Variants in CARMIL3 observed in about 807,000 individuals in gnomAD.
CARMIL3 encodes capping protein, Arp2/3 and myosin-I linker protein 3.
A neutral mutation model predicts 180.8 loss-of-function variants in CARMIL3; 88 were observed. The observed-to-expected ratio is 0.49, with a 90% CI of 0.41 to 0.58. The LOEUF (loss-of-function observed/expected upper bound fraction) is 0.58. Ranked by LOEUF, CARMIL3 falls within the 20% of genes least tolerant of loss-of-function variation. The pLI, the probability that CARMIL3 is intolerant of heterozygous loss-of-function variation, is 0.00. For missense variants in CARMIL3, 1,548 were observed against 1,787.0 expected (o/e 0.87, Z 2.41); for synonymous variants, 696 against 714.5 (o/e 0.97, Z 0.41).
Position 24,057,819 on chromosome 14 carries a change from T to C in CARMIL3, c.1157T>C (p.Leu386Pro), listed in dbSNP as rs1196337274. The change falls in exon 15 of 40, where the codon CTC becomes CCC. Residue 386 changes from leucine (L) to proline (P), a missense_variant. Physicochemically the swap from Leu to Pro is moderately conservative, Grantham distance 98. Coordinates refer to ENST00000342740, the MANE Select transcript of CARMIL3 (RefSeq NM_138360.4). ...CVIDLLLGAL[L>P]HGCCSHLTYL... is the part of the protein sequence containing the mutation. ...CCCCCACAGCTTCTCGGTGCCCTGC[T>C]CCACGGCTGCTGCTCCCACCTCACC... The C allele has an allele frequency of 6.2e-7, 1 of 1,609,122 alleles. No individual in the cohort carries two copies. The highest frequency in any genetic ancestry group is 1.3e-5 in the African/African-American group (1 of 74,260).
In CARMIL3 at chr14:24,066,420, G is replaced by A. The variant is rs1418476703; in HGVS notation, c.3548G>A (p.Gly1183Asp). 2.5e-6 allele frequency: 4 copies of A among 1,614,188 alleles called. No individual in the cohort carries two copies. The Admixed American group carries it at 6.7e-5, about 27-fold the overall frequency. The change falls in exon 35 of 40, where the codon GGC (glycine) becomes GAC (aspartate). Residue 1183 changes from glycine to aspartate, a missense_variant. Gly to Asp is a moderately conservative substitution (Grantham distance 94). This residue lies in a region of CARMIL3 where 668 missense variants were observed against 687.8 expected (regional missense o/e 0.97). Transcript: ENST00000342740. ...CAGGGCCCAGGCCCAGACCAGGAGG[G>A]CAGCACCCAGGCCTGGCAGAAACGG... Reference protein sequence around the residue: ...KREGPGPDQEGSTQAWQKRRS... With the variant: ...KREGPGPDQEDSTQAWQKRRS...
intron 38 of CARMIL3, 58 bp from the exon 39 acceptor site, chr14:24,069,079 T>A (rs1278798150): frequency 3.1e-6 from 5 of 1,604,988 alleles, no homozygotes; most frequent in Non-Finnish European, 4.3e-6. Context: ...ACAGCCTGGA[T>A]GAGCATCCCA....
rs1437960185 is a variant in CARMIL3, at chr14:24,069,512, G to A, written c.*108G>A. ...CCCTGCCAGCCCCTGTCCTACAGGG[G>A]CAAGACGGCAGGACCAGGCATGGGG... On this transcript the variant is annotated 3_prime_UTR_variant, in exon 40 of 40. Coordinates refer to ENST00000342740, the MANE Select transcript of CARMIL3 (RefSeq NM_138360.4). 5 of 1,450,264 alleles carry A rather than the reference G, an allele frequency of 3.4e-6. No individual in the cohort carries two copies. In the African/African-American group the frequency reaches 5.6e-5, roughly 16 times the overall value. 89.8% of individuals were successfully genotyped at this position (1,450,264 alleles called of 1,614,324 possible).
At chr14:24,055,898 C>A in intron 10 of CARMIL3, 109 bp downstream of exon 10, 2 of 1,066,096 alleles carry the variant, frequency 1.9e-6, no homozygotes, top group Non-Finnish European at 2.8e-6. Context: ...CAGTGCCTCT[C>A]TCTACAGAAG....
At chr14:24,060,865 G>A in intron 25 of CARMIL3, 62 bp from the exon 26 acceptor site, 10 of 1,538,948 alleles carry the variant, frequency 6.5e-6, no homozygotes, top group Non-Finnish European at 8.8e-6. Context: ...CTAGCCCAGG[G>A]ACCCCAGAGA....
Position 24,060,046 on chromosome 14 carries a change from G to A in CARMIL3, c.1945G>A (p.Glu649Lys), listed in dbSNP as rs148337730. ...QAYRSAPERT[E>K]DVWQKIQWCL... The stretch of plus-strand genomic sequence containing the variant: ...CTATCGCAGCGCGCCTGAGCGCACC[G>A]AGGACGTCTGGCAGAAGGTGCAGGG... The change falls in exon 23 of 40, where the codon GAG becomes AAG. Residue 649 changes from glutamate (E) to lysine (K), a missense_variant. Physicochemically the swap from Glu to Lys is moderately conservative, Grantham distance 56. This residue lies in a region of CARMIL3 where 297 missense variants were observed against 415.9 expected (regional missense o/e 0.71). Transcript: ENST00000342740. 21 of 1,613,814 alleles carry A rather than the reference G, an allele frequency of 1.3e-5. No individual in the cohort carries two copies. Among genetic ancestry groups the A allele is most frequent in the East Asian group, 8.9e-5 (4 of 44,892 alleles).
chr14:24,058,010 A>G lies in CARMIL3; in HGVS notation c.1268A>G (p.Tyr423Cys). The change falls in exon 16 of 40, where the codon TAC becomes TGC. Residue 423 changes from tyrosine (Y) to cysteine (C), a missense_variant. Transcript: ENST00000342740. The surrounding 1 kb of genome is among the most constrained non-coding windows in gnomAD (Gnocchi z 6.4). ...TTCAAGCAGTTCTTCAGCAGCGCCT[A>G]CACACTGAGCCACGTCAATCTGTCG... Reference protein sequence around the residue: ...PAFKQFFSSAYTLSHVNLSAT... With the variant: ...PAFKQFFSSACTLSHVNLSAT... 1 of 1,613,766 alleles carries G rather than the reference A, an allele frequency of 6.2e-7. No homozygotes were observed. Among genetic ancestry groups the G allele is most frequent in the Non-Finnish European group, 8.5e-7 (1 of 1,180,008 alleles).
chr14:24,054,148 G>C lies in CARMIL3; in HGVS notation c.186+10G>C. The C allele has an allele frequency of 6.2e-7, 1 of 1,614,174 alleles. No homozygotes were observed. Among genetic ancestry groups the C allele is most frequent in the Non-Finnish European group, 8.5e-7 (1 of 1,179,998 alleles). On this transcript the variant is annotated intron_variant, in intron 3 of 39. Transcript: ENST00000342740. This position sits in a 1 kb window ranked among gnomAD's most constrained non-coding sequence, Gnocchi z 5.1. ...TAAAGTCCCGGCCAAGGTGAGTTGG[G>C]CTGAGGAGCAGGAGAGCACCTGGCA... is the stretch of plus-strand genomic sequence containing the variant.
At chr14:24,065,389 A>G (rs1447067942) in intron 33 of CARMIL3, 116 bp downstream of exon 33, 9 of 1,151,516 alleles carry the variant, frequency 7.8e-6, no homozygotes, top group Non-Finnish European at 1.1e-5. Flanking sequence ...TCTTGGGAAC[A>G]TTGGTCATTT....
chr14:24,055,419 A>C (rs1017686042), intron 8 of CARMIL3, 109 bp downstream of exon 8: 8 of 1,480,012 alleles, frequency 5.4e-6, no homozygotes, highest in Non-Finnish European at 6.6e-6. Flanking sequence ...TATCTCCCCA[A>C]CTCCATCCCA....
At chr14:24,055,493 G>T in intron 8 of CARMIL3, 50 bp from the exon 9 acceptor site, 1 of 1,602,476 alleles carries the variant, frequency 6.2e-7, no homozygotes, top group South Asian at 1.1e-5. Flanking sequence ...CTTCTTTTCT[G>T]ACCCAACCAC....
At position 24,061,179 on chromosome 14, in the gene CARMIL3, T is replaced by G; in HGVS notation, c.2304+139T>G. 5 of 726,984 alleles carry G rather than the reference T, an allele frequency of 6.9e-6. No individual in the cohort carries two copies. The highest frequency in any genetic ancestry group is 1.1e-5 in the Non-Finnish European group (5 of 440,750). The allele number at this position is 726,984 out of a possible 1,614,324, so 45.0% of individuals were successfully genotyped here. A position where few individuals can be genotyped will look rare whatever the true frequency, so the allele number is the denominator to read the frequency against. ...GAGTTGAGACCACCCACGCTCCCACTGTACCAAGGCATTGCTGCAATATCA... is the reference window on the plus strand; with the variant it reads ...GAGTTGAGACCACCCACGCTCCCACGGTACCAAGGCATTGCTGCAATATCA... On this transcript the variant is annotated intron_variant, in intron 26 of 39. Coordinates refer to ENST00000342740, the MANE Select transcript of CARMIL3 (RefSeq NM_138360.4). The surrounding 1 kb of genome is among the most constrained non-coding windows in gnomAD (Gnocchi z 4.1).
chr14:24,068,725 G>C, intron 37 of CARMIL3, 23 bp downstream of exon 37: 1 of 1,613,520 alleles, frequency 6.2e-7, no homozygotes, highest in East Asian at 2.2e-5. Context: ...AAGATGGGTG[G>C]GGGAGGCACT....
chr14:24,053,941 G>C, intron 2 of CARMIL3, 138 bp downstream of exon 2: 1 of 1,156,200 alleles, frequency 8.6e-7, no homozygotes, highest in Non-Finnish European at 1.2e-6. Flanking sequence ...GAGGAGGCAG[G>C]GCTGGACTGT....
In CARMIL3 at chr14:24,065,263, G is replaced by A. The variant is rs375532700; in HGVS notation, c.3386G>A (p.Arg1129His). Residue 1129 changes from arginine (R) to histidine (H), a missense_variant, in exon 33 of 40, where the codon CGC (arginine) becomes CAC (histidine). Transcript: ENST00000342740. ...GGTGGGGGCCGGGGACCTTCCTTCC[G>A]CCGGAAGATGGTAAGTGAGGCAGGG... ...GFGGGRGPSF[R>H]RKMGTEGSEP... 3.4e-5 allele frequency: 52 copies of A among 1,532,850 alleles called. No individual in the cohort carries two copies. The highest frequency in any genetic ancestry group is 2.0e-4 in the Middle Eastern group (1 of 4,912). 95.0% of individuals were successfully genotyped at this position (1,532,850 alleles called of 1,614,324 possible).
At position 24,064,916 on chromosome 14, in the gene CARMIL3, T is replaced by C. The variant is rs548757514; in HGVS notation, c.3081-42T>C. On this transcript the variant is annotated intron_variant, in intron 32 of 39. Coordinates refer to ENST00000342740, the MANE Select transcript of CARMIL3 (RefSeq NM_138360.4). ...GGTTTATCAGACCCAGGATTGAGCT[T>C]GCATCTGGCATTTGTTGCTAACTTA... The C allele has an allele frequency of 2.8e-4, 452 of 1,590,894 alleles. 8 individuals carry two copies. The South Asian group carries it at 4.6e-3, about 16-fold the overall frequency.
At position 24,058,489 on chromosome 14, in the gene CARMIL3, G is replaced by A. The variant is rs902343697; in HGVS notation, c.1393-191G>A. ...GCAGGAGCAAGCTGTCTTAGGAATA[G>A]CAGCCTTCCTGGCCGAAGGGAGGGA... is the stretch of plus-strand genomic sequence containing the variant. On this transcript the variant is annotated intron_variant, in intron 17 of 39. Transcript: ENST00000342740. The surrounding 1 kb of genome is among the most constrained non-coding windows in gnomAD (Gnocchi z 6.4). Among the ~76,000 whole-genome samples, 12 of 152,194 alleles carry A rather than the reference G, an allele frequency of 7.9e-5. No individual in the cohort carries two copies. Among genetic ancestry groups the A allele is most frequent in the African/African-American group, 2.9e-4 (12 of 41,440 alleles).
chr14:24,061,152 C>A lies in CARMIL3; in HGVS notation c.2304+112C>A. On this transcript the variant is annotated intron_variant, in intron 26 of 39. Transcript: ENST00000342740. This position sits in a 1 kb window ranked among gnomAD's most constrained non-coding sequence, Gnocchi z 4.1. ...ACTTCTGGAGGGCCAGGAGGACATG[C>A]AGAGTTGAGACCACCCACGCTCCCA... 1 of 944,252 alleles carries A rather than the reference C, an allele frequency of 1.1e-6. No homozygotes were observed. 58.5% of individuals were successfully genotyped at this position (944,252 alleles called of 1,614,324 possible). A position where few individuals can be genotyped will look rare whatever the true frequency, so the allele number is the denominator to read the frequency against.
At chr14:24,063,962 C>CGG (rs1594553184) in intron 31 of CARMIL3, among the ~76,000 whole-genome samples, 1 of 151,950 alleles carries the variant, frequency 6.6e-6, no homozygotes, top group East Asian at 1.9e-4. Context: ...GGCGTGGTGG[C>CGG]GCCTGCCTGT....
Sources: allele counts gnomAD v4.1 joint callset (sites outside exome capture counted in the v4.1 genomes callset), GRCh38; gene constraint gnomAD v4.1.1; regional missense constraint gnomAD v4.1.1; non-coding constraint Gnocchi (gnomAD v3.1); transcripts MANE v1.5; gene names NCBI Gene and HGNC (gene_info 2026-07-23, HGNC 2026-07-21).